Variants in LIN54 observed in about 807,000 individuals in gnomAD.
LIN54 encodes protein lin-54 homolog.
LIN54 carries 9 observed loss-of-function variants against 78.7 expected under a neutral mutation model. The observed-to-expected ratio is 0.11, with a 90% confidence interval of 0.07 to 0.20. LIN54 has a LOEUF of 0.20. Ranked by LOEUF, LIN54 falls within the 10% of genes least tolerant of loss-of-function variation. The pLI, the probability that LIN54 is intolerant of heterozygous loss-of-function variation, is 1.00. For missense variants in LIN54, 573 were observed against 889.9 expected (o/e 0.64, Z 4.53); for synonymous variants, 269 against 318.4 (o/e 0.84, Z 1.65).
At chr4:82,957,841 T>A (rs1724455805) in intron 4 of LIN54, among the ~76,000 whole-genome samples, 1 of 152,216 alleles carries the variant, frequency 6.6e-6, no homozygotes, top group East Asian at 1.9e-4. Context: ...TGTGTATCTA[T>A]TTTTGCTCTC....
rs1269140063 is a variant in LIN54, at chr4:82,939,616, G to A, written c.1363C>T (p.Pro455Ser). 1 of 1,614,228 alleles carries A rather than the reference G, an allele frequency of 6.2e-7. No individual in the cohort carries two copies. Among genetic ancestry groups the A allele is most frequent in the East Asian group, 2.2e-5 (1 of 44,890 alleles). ...GGAGCTGGTGCCAGGACAGTGCCTG[G>A]TGGCAGGTTAGTGAGGTTGGGCTGG... ...QIQPNLTNLP[P>S]GTVLAPAPGT... The change falls in exon 7 of 13, where the codon CCA (proline) becomes TCA (serine). Residue 455 changes from proline (P) to serine (S), a missense_variant. Transcript: ENST00000340417.
At chr4:82,973,934 G>A (rs1223772443) in intron 3 of LIN54, among the ~76,000 whole-genome samples, 1 of 152,166 alleles carries the variant, frequency 6.6e-6, no homozygotes, top group Non-Finnish European at 1.5e-5. Context: ...ATAGGAGCAG[G>A]GCACAGTGGC....
intron 2 of LIN54, among the ~76,000 whole-genome samples, chr4:82,980,564 C>G (rs1170459731): frequency 5.2e-4 from 1 of 1,914 alleles, no homozygotes; most frequent in East Asian, 0.062. Context: ...AAATACAAAT[C>G]ACTTAAAAAA....
intron 5 of LIN54, among the ~76,000 whole-genome samples, chr4:82,942,133 GT>G (rs60942635): frequency 0.54 from 81,515 of 151,576 alleles, 23,848 homozygotes; most frequent in East Asian, 0.78. Context: ...GATATCAGCA[GT>G]TTTTTTTTGT....
chr4:82,936,517 C>T (rs1161819871), intron 9 of LIN54, 136 bp from the exon 10 acceptor site: 7 of 527,742 alleles, frequency 1.3e-5, no homozygotes, highest in African/African-American at 9.5e-5. Context: ...CTCAGCTACC[C>T]AGTTAAAGAG....
At chr4:83,009,446 G>T (rs1445989271) in intron 1 of LIN54, among the ~76,000 whole-genome samples, 1 of 152,022 alleles carries the variant, frequency 6.6e-6, no homozygotes, top group Admixed American at 6.6e-5. Context: ...AAAAGCATAG[G>T]GTCCAAATTA....
At chr4:82,989,906 A>C (rs754013782) in intron 1 of LIN54, among the ~76,000 whole-genome samples, 1 of 152,210 alleles carries the variant, frequency 6.6e-6, no homozygotes, top group Non-Finnish European at 1.5e-5. Context: ...CTATAGCCAC[A>C]TTGCCTTTCA....
Position 82,961,467 on chromosome 4 carries a change from G to A in LIN54, c.951+8860C>T, listed in dbSNP as rs112215519. On this transcript the variant is annotated intron_variant, in intron 4 of 12. Coordinates refer to ENST00000340417, the MANE Select transcript of LIN54 (RefSeq NM_194282.4). ...TCTTCATTCAAAATGGCTATGTGAC[G>A]GTTCATTACCTACCATAGGCCAGAC... 8.6e-3 allele frequency among the ~76,000 whole-genome samples: 1,311 copies of A among 152,146 alleles called. 27 individuals are homozygous for A. The highest frequency in any genetic ancestry group is 0.03 in the African/African-American group (1,231 of 41,472).
intron 4 of LIN54, among the ~76,000 whole-genome samples, chr4:82,956,433 T>A (rs1168053124): frequency 6.6e-6 from 1 of 151,586 alleles, no homozygotes; most frequent in Non-Finnish European, 1.5e-5. Context: ...CCCAGCACTC[T>A]GGAAGTCCAA....
At position 82,978,987 on chromosome 4, in the gene LIN54, G is replaced by A. The variant is rs760122798; in HGVS notation, c.704C>T (p.Thr235Met). The A allele has an allele frequency of 6.9e-6, 11 of 1,587,774 alleles. No homozygotes were observed. The highest frequency in any genetic ancestry group is 1.3e-5 in the African/African-American group (1 of 74,636). Residue 235 changes from threonine (T) to methionine (M), a missense_variant, in exon 3 of 13, where the codon ACG becomes ATG. Thr to Met is a moderately conservative substitution (Grantham distance 81). Coordinates refer to ENST00000340417, the MANE Select transcript of LIN54 (RefSeq NM_194282.4). ...KTVQIAKKPR[T>M]PTSGPVITKL... Reference sequence around the variant, plus strand: ...CGTGATTACTGGACCAGAGGTTGGCGTTCGAGGCTTCTTAGCAATCTGAAA... The same window carrying A: ...CGTGATTACTGGACCAGAGGTTGGCATTCGAGGCTTCTTAGCAATCTGAAA...
intron 4 of LIN54, among the ~76,000 whole-genome samples, chr4:82,955,656 A>G (rs901968248): frequency 4.6e-5 from 7 of 151,946 alleles, no homozygotes; most frequent in Non-Finnish European, 1.0e-4. Flanking sequence ...ATGGTGGCTC[A>G]TGCCTGTAAT....
At chr4:83,005,412 C>A (rs556573373) in intron 1 of LIN54, among the ~76,000 whole-genome samples, 2 of 151,928 alleles carry the variant, frequency 1.3e-5, no homozygotes, top group African/African-American at 2.4e-5. Flanking sequence ...CTAAGGCAGG[C>A]GGATCACTTG....
intron 4 of LIN54, among the ~76,000 whole-genome samples, chr4:82,952,909 G>A (rs950871264): frequency 6.6e-6 from 1 of 152,182 alleles, no homozygotes. Context: ...AAGTATTATA[G>A]TCAAAATTAT....
At chr4:82,932,865 TAA>T (rs1722083649) in intron 11 of LIN54, among the ~76,000 whole-genome samples, 1 of 152,110 alleles carries the variant, frequency 6.6e-6, no homozygotes, top group Admixed American at 6.6e-5. Flanking sequence ...GTGGGGATGA[TAA>T]AGTGAGATTT....
In LIN54 at chr4:82,928,395, CTT is replaced by C. The variant is rs1183633308; in HGVS notation, c.2049-94_2049-93del. 9 of 961,682 alleles carry C rather than the reference CTT, an allele frequency of 9.4e-6. No homozygotes were observed. In the East Asian group the frequency reaches 2.3e-4, roughly 24 times the overall value. The allele number at this position is 961,682 out of a possible 1,614,324, so 59.6% of individuals were successfully genotyped here. A position where few individuals can be genotyped will look rare whatever the true frequency, so the allele number is the denominator to read the frequency against. ...TTTCATCTGGAAATCTCTACTGACA[CTT>C]TCACAATTCACCAGCAGGATGAGCA... On this transcript the variant is annotated intron_variant, in intron 12 of 12. Coordinates refer to ENST00000340417, the MANE Select transcript of LIN54 (RefSeq NM_194282.4).
In LIN54 at chr4:82,929,277, A is replaced by C. The variant is rs1487878902; in HGVS notation, c.2049-974T>G. Among the ~76,000 whole-genome samples the C allele has an allele frequency of 2.6e-5, 4 of 152,276 alleles. No individual in the cohort carries two copies. The East Asian group carries it at 7.7e-4, about 29-fold the overall frequency. On this transcript the variant is annotated intron_variant, in intron 12 of 12. Transcript: ENST00000340417. ...GTTTTTAATATGTAATTTTGATTATAATTATAATTTTATAATTTTGTTTTC... is the reference window on the plus strand; with the variant it reads ...GTTTTTAATATGTAATTTTGATTATCATTATAATTTTATAATTTTGTTTTC...
intron 5 of LIN54, among the ~76,000 whole-genome samples, chr4:82,940,658 C>T (rs1430873690): frequency 6.6e-6 from 1 of 152,226 alleles, no homozygotes; most frequent in Non-Finnish European, 1.5e-5. Context: ...GCCTTGGCCA[C>T]CCAAAGTGCT....
chr4:82,973,253 C>T (rs777627484), intron 3 of LIN54, among the ~76,000 whole-genome samples: 10 of 152,028 alleles, frequency 6.6e-5, no homozygotes, highest in East Asian at 3.8e-4. Flanking sequence ...TAAATTATGT[C>T]GATAATGATA....
At chr4:83,001,855 A>G (rs1346686212) in intron 1 of LIN54, among the ~76,000 whole-genome samples, 1 of 5,102 alleles carries the variant, frequency 2.0e-4, no homozygotes, top group Non-Finnish European at 1.7e-3. Context: ...CTCAAAAAAA[A>G]AAAAAGGATA....
Sources: gnomAD v4.1 joint callset for allele counts (sites outside exome capture counted in the v4.1 genomes callset) on GRCh38, gnomAD v4.1.1 for gene constraint, MANE v1.5 for transcripts, NCBI Gene and HGNC (gene_info 2026-07-23, HGNC 2026-07-21) for gene names.